SRPK2: variants seen among roughly 807,000 people sequenced by gnomAD.
The protein encoded by SRPK2 is SFRS protein kinase 2.
SRPK2 carries 21 observed loss-of-function variants against 90.8 expected under a neutral mutation model. The ratio of observed to expected loss-of-function variants is 0.23; its 90% confidence interval spans 0.16 to 0.33. The LOEUF (loss-of-function observed/expected upper bound fraction) is 0.33. SRPK2 is among the 10% of genes least tolerant of loss of function. The probability of loss-of-function intolerance (pLI) is 1.00; values close to 1 mark genes in which losing one functional copy is unlikely to be tolerated. For missense variants in SRPK2, 620 were observed against 869.0 expected (o/e 0.71, Z 3.60); for synonymous variants, 288 against 311.1 (o/e 0.93, Z 0.78).
chr7:105,397,237 C>T (rs939654912), intron 1 of SRPK2, among the ~76,000 whole-genome samples: 5 of 151,712 alleles, frequency 3.3e-5, no homozygotes, highest in East Asian at 1.9e-4. Flanking sequence ...AGGATGGTCT[C>T]GATCTTTTGA....
At chr7:105,261,022 T>TAAAAAAAAAAAAAA (rs72277307) in intron 2 of SRPK2, among the ~76,000 whole-genome samples, 1 of 116,038 alleles carries the variant, frequency 8.6e-6, no homozygotes, top group Non-Finnish European at 1.7e-5. Flanking sequence ...CCCTAGAAAT[T>TAAAAAAAAAAAAAA]AAAAAAAAAA....
intron 2 of SRPK2, among the ~76,000 whole-genome samples, chr7:105,379,484 T>G (rs1820692230): frequency 6.6e-6 from 1 of 152,128 alleles, no homozygotes; most frequent in Non-Finnish European, 1.5e-5. Flanking sequence ...ATGATTTCAT[T>G]TATATGAAAT....
At chr7:105,289,857 T>G (rs1808720435) in intron 2 of SRPK2, among the ~76,000 whole-genome samples, 1 of 152,170 alleles carries the variant, frequency 6.6e-6, no homozygotes, top group South Asian at 2.1e-4. Context: ...TACTTTTGAT[T>G]TAAAGTGTGA....
chr7:105,138,872 C>T (rs1384326812), intron 11 of SRPK2, among the ~76,000 whole-genome samples: 7 of 152,196 alleles, frequency 4.6e-5, no homozygotes, highest in Admixed American at 3.9e-4. Context: ...GGAGGACGTT[C>T]TAATTCATCT....
At chr7:105,227,311 T>TA (rs1798832853) in intron 2 of SRPK2, among the ~76,000 whole-genome samples, 1 of 152,180 alleles carries the variant, frequency 6.6e-6, no homozygotes, top group Non-Finnish European at 1.5e-5. Flanking sequence ...TTGCACCATA[T>TA]ATGTTATCTT....
chr7:105,234,881 T>C (rs1318437960), intron 2 of SRPK2, among the ~76,000 whole-genome samples: 2 of 152,168 alleles, frequency 1.3e-5, no homozygotes, highest in Non-Finnish European at 2.9e-5. Flanking sequence ...AAAGAACACA[T>C]GAATTCCACA....
chr7:105,198,346 T>G (rs1199243060), intron 3 of SRPK2, among the ~76,000 whole-genome samples: 1 of 151,768 alleles, frequency 6.6e-6, no homozygotes, highest in Non-Finnish European at 1.5e-5. Context: ...CACAGGTTTT[T>G]TTTGCTCAAA....
intron 2 of SRPK2, among the ~76,000 whole-genome samples, chr7:105,239,576 A>G (rs997002830): frequency 6.6e-6 from 1 of 152,218 alleles, no homozygotes; most frequent in African/African-American, 2.4e-5. Flanking sequence ...CTGAACATCA[A>G]AATATATTGT....
intron 11 of SRPK2, among the ~76,000 whole-genome samples, chr7:105,138,363 G>A (rs1227405506): frequency 6.6e-6 from 1 of 152,160 alleles, no homozygotes; most frequent in African/African-American, 2.4e-5. Flanking sequence ...AGGAGCAGAG[G>A]GGAAAGAGAA....
intron 3 of SRPK2, among the ~76,000 whole-genome samples, chr7:105,171,064 GAAAA>G (rs1275910931): frequency 3.4e-5 from 4 of 116,790 alleles, no homozygotes; most frequent in South Asian, 3.1e-4. Flanking sequence ...AAAGAAAAAA[GAAAA>G]GAAAGAAAGG....
intron 2 of SRPK2, among the ~76,000 whole-genome samples, chr7:105,381,887 G>A (rs536072621): frequency 6.6e-6 from 1 of 152,188 alleles, no homozygotes; most frequent in Non-Finnish European, 1.5e-5. Context: ...GTCTCACCAA[G>A]CTGGGCACGG....
At chr7:105,242,363 T>C (rs769073118) in intron 2 of SRPK2, among the ~76,000 whole-genome samples, 6 of 151,950 alleles carry the variant, frequency 3.9e-5, no homozygotes, top group Admixed American at 1.3e-4. Flanking sequence ...AATTCAAAAG[T>C]TATCCGGGGG....
intron 2 of SRPK2, among the ~76,000 whole-genome samples, chr7:105,284,197 T>C (rs148227098): frequency 2.3e-4 from 35 of 152,264 alleles, no homozygotes; most frequent in African/African-American, 7.9e-4. Context: ...GAGATAGTTA[T>C]CAATCTGACC....
intron 2 of SRPK2, among the ~76,000 whole-genome samples, chr7:105,230,498 C>T (rs994019428): frequency 6.6e-6 from 1 of 152,088 alleles, no homozygotes; most frequent in Non-Finnish European, 1.5e-5. Flanking sequence ...AAAGATTACT[C>T]CAGCACACTT....
chr7:105,274,785 G>A (rs1349300532), intron 2 of SRPK2, among the ~76,000 whole-genome samples: 1 of 151,926 alleles, frequency 6.6e-6, no homozygotes, highest in Admixed American at 6.6e-5. Flanking sequence ...GCTATATCAA[G>A]CTCTGGTTTT....
intron 2 of SRPK2, among the ~76,000 whole-genome samples, chr7:105,293,411 TAA>T (rs1220810941): frequency 4.6e-5 from 7 of 152,124 alleles, no homozygotes; most frequent in East Asian, 3.9e-4. Flanking sequence ...TTCATCCTCA[TAA>T]AATCAGTATT....
intron 6 of SRPK2, among the ~76,000 whole-genome samples, chr7:105,163,630 AAAAAAAT>A (rs1266863921): frequency 1.5e-4 from 23 of 152,176 alleles, no homozygotes; most frequent in South Asian, 6.2e-4. Context: ...TCCCGTCTCT[AAAAAAAT>A]AAAAAATAAA....
chr7:105,171,517 T>C (rs557401158), intron 3 of SRPK2, among the ~76,000 whole-genome samples: 4 of 152,390 alleles, frequency 2.6e-5, no homozygotes, highest in South Asian at 2.1e-4. Flanking sequence ...AAGATGTGGA[T>C]GGCTTGTGCC....
At chr7:105,337,405 C>T (rs1176741934) in intron 2 of SRPK2, among the ~76,000 whole-genome samples, 2 of 151,528 alleles carry the variant, frequency 1.3e-5, no homozygotes, top group African/African-American at 4.9e-5. Context: ...AACTCTGCTT[C>T]CCCGGTTCAA....
Sources: allele counts gnomAD v4.1 joint callset (sites outside exome capture counted in the v4.1 genomes callset), GRCh38; gene constraint gnomAD v4.1.1; transcripts MANE v1.5; gene names NCBI Gene and HGNC (gene_info 2026-07-23, HGNC 2026-07-21).